Variants in WRN observed in about 807,000 individuals in gnomAD.
The protein encoded by WRN is WRN RecQ like helicase.
Under a neutral mutation model 180.7 loss-of-function variants are expected in WRN, and 149 were observed. The ratio of observed to expected loss-of-function variants is 0.82; its 90% CI spans 0.72 to 0.94. The LOEUF is 0.94. Ranked by LOEUF, WRN falls within the 40% of genes least tolerant of loss-of-function variation. The pLI is 0.00. For synonymous variants in WRN, 548 were observed against 568.9 expected, an observed-to-expected ratio of 0.96 and a Z score of 0.52; for missense variants, 1,661 against 1,700.1, an observed-to-expected ratio of 0.98 and a Z score of 0.40.
chr8:31,122,408 A>G (rs1204992915), intron 21 of WRN, among the ~76,000 whole-genome samples: 1 of 152,052 alleles, frequency 6.6e-6, no homozygotes, highest in Non-Finnish European at 1.5e-5. Flanking sequence ...CCATAATTCT[A>G]TCACTGAGAG....
At position 31,124,540 on chromosome 8, in the gene WRN, A is replaced by G. The variant is rs201806650; in HGVS notation, c.2649A>G (p.Ile883Met). 79 of 1,612,500 alleles carry G rather than the reference A, an allele frequency of 4.9e-5. No homozygotes were observed. Among genetic ancestry groups the G allele is most frequent in the Non-Finnish European group, 6.4e-5 (75 of 1,178,986 alleles). Residue 883 changes from isoleucine (I) to methionine (M), a missense_variant, in exon 22 of 35, where the codon ATA (isoleucine) becomes ATG (methionine). Ile to Met is a conservative substitution (Grantham distance 10, BLOSUM62 1). This residue lies in a region of WRN where 1,141 missense variants were observed against 1,149.4 expected (regional missense o/e 0.99). Transcript: ENST00000298139. ...INLNRHLLTE[I>M]RNEKFRLYKL... ...TCGACAGGCACCTTCTTACTGAGAT[A>G]CGTAATGAGAAGTTTCGATTATACA...
chr8:31,088,973 T>TA lies in WRN; in HGVS notation c.1652+10dup. On this transcript the variant is annotated intron_variant, in intron 13 of 34. Coordinates refer to ENST00000298139, the MANE Select transcript of WRN (RefSeq NM_000553.6). ...CCATTCCAGTTTTAAACCGTGAGTA[T>TA]AATCTCATTTAATCAAATCACATAT... The TA allele has an allele frequency of 6.2e-7, 1 of 1,602,844 alleles. No homozygotes were observed. The highest frequency in any genetic ancestry group is 8.5e-7 in the Non-Finnish European group (1 of 1,172,732).
chr8:31,043,182 C>G (rs1052831590), intron 1 of WRN, among the ~76,000 whole-genome samples: 5 of 152,178 alleles, frequency 3.3e-5, no homozygotes, highest in African/African-American at 1.2e-4. Flanking sequence ...TTCTTGTATG[C>G]TTGTAAGATG....
chr8:31,079,592 T>C (rs1813222390), intron 8 of WRN, among the ~76,000 whole-genome samples: 1 of 152,236 alleles, frequency 6.6e-6, no homozygotes, highest in African/African-American at 2.4e-5. Flanking sequence ...CATTTAAACT[T>C]ACTTAGTTAA....
At chr8:31,079,360 G>A (rs1813213910) in intron 8 of WRN, among the ~76,000 whole-genome samples, 1 of 152,098 alleles carries the variant, frequency 6.6e-6, no homozygotes. Flanking sequence ...ATTTTATTAA[G>A]CATGGATTTT....
rs1801317731 is a variant in WRN at position 31,111,615 on chromosome 8, G to C, written c.2089G>C (p.Val697Leu). 1 of 1,613,802 alleles carries C rather than the reference G, an allele frequency of 6.2e-7. No homozygotes were observed. Among genetic ancestry groups the C allele is most frequent in the African/African-American group, 1.3e-5 (1 of 74,910 alleles). ...LGSLKTALPM[V>L]PIVALTATAS... is the part of the protein sequence containing the mutation. Reference sequence around the variant, plus strand: ...AAAATATCAGTTTTACATCATTCAGGTTCCAATCGTTGCACTTACTGCTAC... The same window carrying C: ...AAAATATCAGTTTTACATCATTCAGCTTCCAATCGTTGCACTTACTGCTAC... Residue 697 changes from valine to leucine, a missense_variant and splice_region_variant, in exon 19 of 35, where the codon GTT becomes CTT. Physicochemically the swap from Val to Leu is conservative, Grantham distance 32. Transcript: ENST00000298139.
Position 31,141,589 on chromosome 8 carries a change from C to A in WRN, c.3127C>A (p.Leu1043Ile), listed in dbSNP as rs1330989102. Reference sequence around the variant, plus strand: ...TAACAAATTTATGAAGATTTGCGCCCTTACGAAAAAGGTAAACGGTGTAGG... The same window carrying A: ...TAACAAATTTATGAAGATTTGCGCCATTACGAAAAAGGTAAACGGTGTAGG... ...RYNKFMKICA[L>I]TKKGRNWLHK... Residue 1043 changes from leucine to isoleucine, a missense_variant, in exon 25 of 35, where the codon CTT becomes ATT. Leu to Ile is a conservative substitution (Grantham distance 5). Around this residue, in one of 3 missense-constraint regions of WRN, gnomAD observed 1,141 missense variants for 1,149.4 expected, o/e 0.99. Coordinates refer to ENST00000298139, the MANE Select transcript of WRN (RefSeq NM_000553.6). The A allele has an allele frequency of 1.9e-6, 3 of 1,614,006 alleles. No individual in the cohort carries two copies. The South Asian group carries it at 3.3e-5, about 18-fold the overall frequency.
intron 16 of WRN, among the ~76,000 whole-genome samples, chr8:31,094,697 A>G (rs1335166785): frequency 9.9e-5 from 15 of 152,088 alleles, no homozygotes; most frequent in Non-Finnish European, 4.4e-5. Flanking sequence ...TTCTGTCTCT[A>G]TGATTTGCCT....
In WRN at chr8:31,070,670, G is replaced by A. The variant is rs192422095; in HGVS notation, c.724+2343G>A. Among the ~76,000 whole-genome samples the A allele has an allele frequency of 7.9e-5, 12 of 152,092 alleles. No individual in the cohort carries two copies. The East Asian group carries it at 2.3e-3, about 30-fold the overall frequency. ...AGGTGCTGTAGTTGACACACCGAGA[G>A]GCATCTGACACATTGGGGGAAATAT... On this transcript the variant is annotated intron_variant, in intron 7 of 34. Transcript: ENST00000298139.
At chr8:31,163,897 G>T (rs1182327666) in intron 33 of WRN, among the ~76,000 whole-genome samples, 2 of 150,666 alleles carry the variant, frequency 1.3e-5, no homozygotes, top group African/African-American at 4.9e-5. Context: ...CTGTTTCCCA[G>T]GCTGGAGTGC....
At chr8:31,069,817 A>C (rs946139752) in intron 7 of WRN, among the ~76,000 whole-genome samples, 2 of 152,172 alleles carry the variant, frequency 1.3e-5, no homozygotes, top group African/African-American at 4.8e-5. Flanking sequence ...AACTCATAAT[A>C]AAACTAAAAT....
chr8:31,058,880 C>T (rs779023762), intron 2 of WRN, among the ~76,000 whole-genome samples: 4 of 151,934 alleles, frequency 2.6e-5, no homozygotes, highest in African/African-American at 4.8e-5. Flanking sequence ...AGTTGTAATA[C>T]GAATATAATT....
chr8:31,125,813 C>G (rs946639703), intron 23 of WRN, among the ~76,000 whole-genome samples: 2 of 150,788 alleles, frequency 1.3e-5, no homozygotes, highest in African/African-American at 4.9e-5. Context: ...TGACAATAAT[C>G]TCCTTTACTT....
intron 33 of WRN, among the ~76,000 whole-genome samples, chr8:31,162,205 C>T (rs1195994337): frequency 6.6e-6 from 1 of 152,222 alleles, no homozygotes; most frequent in Non-Finnish European, 1.5e-5. Flanking sequence ...AAAACACAAA[C>T]ATATTGTACA....
intron 11 of WRN, among the ~76,000 whole-genome samples, 199 bp downstream of exon 11, chr8:31,085,445 TA>T (rs1213712141): frequency 5.3e-5 from 8 of 152,008 alleles, no homozygotes; most frequent in African/African-American, 1.9e-4. Flanking sequence ...ATACTAATTT[TA>T]ATTGTGCTTT....
intron 23 of WRN, among the ~76,000 whole-genome samples, chr8:31,128,540 T>C (rs1802015214): frequency 6.6e-6 from 1 of 152,170 alleles, no homozygotes; most frequent in Admixed American, 6.5e-5. Context: ...ACTTCACTCC[T>C]CAAACATACA....
At chr8:31,076,990 A>C (rs1208623784) in intron 8 of WRN, among the ~76,000 whole-genome samples, 1 of 152,186 alleles carries the variant, frequency 6.6e-6, no homozygotes, top group Non-Finnish European at 1.5e-5. Flanking sequence ...GGAACAATGA[A>C]CAATTAGAAT....
chr8:31,058,831 C>T (rs954018231), intron 2 of WRN, among the ~76,000 whole-genome samples: 4 of 152,044 alleles, frequency 2.6e-5, no homozygotes, highest in African/African-American at 4.8e-5. Context: ...TTTTGTTTGC[C>T]AGCCGGTCTT....
intron 18 of WRN, among the ~76,000 whole-genome samples, chr8:31,101,296 A>G (rs1814219437): frequency 6.6e-6 from 1 of 152,182 alleles, no homozygotes; most frequent in South Asian, 2.1e-4. Flanking sequence ...GGCCATAACA[A>G]AACAGGCTGT....
Sources: gnomAD v4.1 joint callset for allele counts (sites outside exome capture counted in the v4.1 genomes callset) on GRCh38, gnomAD v4.1.1 for gene constraint, gnomAD v4.1.1 regional missense constraint, MANE v1.5 for transcripts, NCBI Gene and HGNC (gene_info 2026-07-23, HGNC 2026-07-21) for gene names.